ACYP2: variants seen among roughly 807,000 people sequenced by gnomAD.
ACYP2 encodes acylphosphatase 2, also known as acylphosphatase-2.
In ACYP2, 12 loss-of-function variants were observed where a neutral mutation model predicts 11.2. The observed-to-expected ratio is 1.08, with a 90% CI of 0.69 to 1.74. ACYP2 has a LOEUF of 1.74. ACYP2 is among the 40% of genes most tolerant of loss of function. The pLI, the probability that ACYP2 is intolerant of heterozygous loss-of-function variation, is 0.00. For missense variants in ACYP2, 134 were observed against 101.9 expected (o/e 1.31, Z -1.35); for synonymous variants, 43 against 32.2 (o/e 1.33, Z -1.13).
At chr2:54,117,932 C>T (rs1194698885) in intron 4 of ACYP2, among the ~76,000 whole-genome samples, 1 of 152,154 alleles carries the variant, frequency 6.6e-6, no homozygotes, top group Non-Finnish European at 1.5e-5. Flanking sequence ...CTACCCTTTC[C>T]CCCCTGACTC....
chr2:54,092,236 C>T (rs546468467), intron 4 of ACYP2, among the ~76,000 whole-genome samples: 9 of 152,276 alleles, frequency 5.9e-5, no homozygotes, highest in Non-Finnish European at 1.2e-4. Context: ...TAGGCACTTT[C>T]ATTTACAAGT....
At chr2:54,121,889 G>T (rs1680180843) in intron 4 of ACYP2, among the ~76,000 whole-genome samples, 1 of 152,212 alleles carries the variant, frequency 6.6e-6, no homozygotes, top group South Asian at 2.1e-4. Flanking sequence ...CCTCTAGTGG[G>T]TCCTTCAAAA....
chr2:54,238,935 A>G (rs74626568), intron 6 of ACYP2, among the ~76,000 whole-genome samples: 259 of 151,754 alleles, frequency 1.7e-3, no homozygotes, highest in African/African-American at 6.0e-3. Flanking sequence ...GTTGGCAGAG[A>G]TATCTCTTTA....
At chr2:54,016,073 A>G (rs193238894) in intron 2 of ACYP2, among the ~76,000 whole-genome samples, 89 of 152,150 alleles carry the variant, frequency 5.8e-4, no homozygotes, top group African/African-American at 2.0e-3. Flanking sequence ...AGTCTTTCCT[A>G]TATTAATATC....
At chr2:54,193,742 A>C (rs934465298) in intron 6 of ACYP2, among the ~76,000 whole-genome samples, 5 of 152,204 alleles carry the variant, frequency 3.3e-5, no homozygotes, top group African/African-American at 1.2e-4. Context: ...TTATTATACA[A>C]ATAGCACATG....
chr2:54,026,804 G>A (rs1674312023), intron 2 of ACYP2, among the ~76,000 whole-genome samples: 1 of 151,728 alleles, frequency 6.6e-6, no homozygotes, highest in Admixed American at 6.6e-5. Context: ...AGTAGGTCAG[G>A]AAAGGAAAAC....
chr2:54,094,229 A>AT (rs540021527), intron 4 of ACYP2, among the ~76,000 whole-genome samples: 17,415 of 142,132 alleles, frequency 0.12, 1,055 homozygotes, highest in East Asian at 0.31. Context: ...GAGAAAAAAA[A>AT]TTTTTTTTTT....
At chr2:54,102,162 C>T (rs72800739) in intron 4 of ACYP2, among the ~76,000 whole-genome samples, 14,704 of 152,190 alleles carry the variant, frequency 0.097, 873 homozygotes, top group Non-Finnish European at 0.14. Flanking sequence ...TGTATCCAAA[C>T]GCCAGCAGTG....
chr2:54,127,848 T>A (rs1476633207), intron 4 of ACYP2, among the ~76,000 whole-genome samples: 1 of 152,106 alleles, frequency 6.6e-6, no homozygotes, highest in Non-Finnish European at 1.5e-5. Flanking sequence ...TTTTCATCAT[T>A]GCCATATCTC....
intron 6 of ACYP2, among the ~76,000 whole-genome samples, chr2:54,249,215 C>T (rs1687094877): frequency 6.6e-6 from 1 of 151,964 alleles, no homozygotes; most frequent in Non-Finnish European, 1.5e-5. Context: ...AAGGGGACTC[C>T]TGGGACTGCC....
chr2:54,100,801 G>C (rs577593928), intron 4 of ACYP2, among the ~76,000 whole-genome samples: 2 of 152,276 alleles, frequency 1.3e-5, no homozygotes, highest in African/African-American at 4.8e-5. Flanking sequence ...AAAGTACCTG[G>C]TATTTTCAAA....
In ACYP2 at chr2:54,304,731, G is replaced by A; in HGVS notation, c.448G>A (p.Asp150Asn). The A allele has an allele frequency of 6.2e-7, 1 of 1,612,134 alleles. No individual in the cohort carries two copies. Among genetic ancestry groups the A allele is most frequent in the South Asian group, 1.1e-5 (1 of 90,900 alleles). ...GGTTGGAAGCCCTAGTTCTCGCATTGACCGCACAAACTTTTCTAATGAAAA... is the reference window on the plus strand; with the variant it reads ...GGTTGGAAGCCCTAGTTCTCGCATTAACCGCACAAACTTTTCTAATGAAAA... The change falls in exon 7 of 7, where the codon GAC (aspartate) becomes AAC (asparagine). Residue 150 changes from aspartate (D) to asparagine (N), a missense_variant. Transcript: ENST00000607452.
intron 6 of ACYP2, among the ~76,000 whole-genome samples, chr2:54,178,882 T>C (rs1683586819): frequency 1.3e-5 from 2 of 152,174 alleles, no homozygotes; most frequent in African/African-American, 4.8e-5. Flanking sequence ...CTTTGTGAGA[T>C]CTTGTCTTAG....
At chr2:53,995,488 T>TATTTATTTA (rs1553350323) in intron 2 of ACYP2, among the ~76,000 whole-genome samples, 34 of 145,114 alleles carry the variant, frequency 2.3e-4, no homozygotes, top group East Asian at 8.0e-4. Context: ...TTTATTTATT[T>TATTTATTTA]TTTATTTATT....
rs1178276242 is a variant in ACYP2 at position 54,038,894 on chromosome 2, A to G, written c.63-12064A>G. Among the ~76,000 whole-genome samples the G allele has an allele frequency of 2.0e-5, 3 of 151,880 alleles. No homozygotes were observed. In the East Asian group the frequency reaches 5.8e-4, roughly 29 times the overall value. ...AAAAAAGTAAAGCCAGTAAGTGGGA[A>G]AAGGAGCTCTTGAAATTGCAATTTT... On this transcript the variant is annotated intron_variant, in intron 2 of 6. Coordinates refer to ENST00000607452, the MANE Select transcript of ACYP2 (RefSeq NM_001320586.2).
At chr2:54,144,110 C>T (rs1681771048) in intron 6 of ACYP2, among the ~76,000 whole-genome samples, 1 of 152,168 alleles carries the variant, frequency 6.6e-6, no homozygotes, top group African/African-American at 2.4e-5. Flanking sequence ...GCTAGGAATA[C>T]AGGTATGCAC....
At chr2:54,229,689 C>A (rs925033315) in intron 6 of ACYP2, among the ~76,000 whole-genome samples, 7 of 152,144 alleles carry the variant, frequency 4.6e-5, no homozygotes, top group African/African-American at 1.7e-4. Context: ...TATTTTATAA[C>A]AGCACCAAAG....
intron 2 of ACYP2, among the ~76,000 whole-genome samples, chr2:53,994,497 T>G: frequency 8.3e-6 from 1 of 119,828 alleles, no homozygotes. Flanking sequence ...CCAGCCTGGG[T>G]GACAGAGTAA....
chr2:54,122,445 G>C (rs1680215487), intron 4 of ACYP2, among the ~76,000 whole-genome samples: 1 of 152,152 alleles, frequency 6.6e-6, no homozygotes, highest in Non-Finnish European at 1.5e-5. Flanking sequence ...AGTTTCCAGA[G>C]CAGAGTGTCT....
Sources: gnomAD v4.1 joint callset for allele counts (sites outside exome capture counted in the v4.1 genomes callset) on GRCh38, gnomAD v4.1.1 for gene constraint, MANE v1.5 for transcripts, NCBI Gene and HGNC (gene_info 2026-07-23, HGNC 2026-07-21) for gene names.